QSOX2: variants seen among roughly 807,000 people sequenced by gnomAD.
The protein encoded by QSOX2 is sulfhydryl oxidase 2.
QSOX2 carries 46 observed loss-of-function variants against 61.7 expected under a neutral mutation model. The observed-to-expected ratio is 0.75, with a 90% CI of 0.59 to 0.95. The LOEUF is 0.95. Ranked by LOEUF, QSOX2 falls within the 40% of genes least tolerant of loss-of-function variation. The pLI is 0.00. For missense variants in QSOX2, 879 were observed against 918.9 expected, an observed-to-expected ratio of 0.96 and a Z score of 0.56; for synonymous variants, 383 against 388.4, an observed-to-expected ratio of 0.99 and a Z score of 0.16.
intron 10 of QSOX2, 104 bp from the exon 11 acceptor site, chr9:136,211,556 A>C: frequency 8.7e-7 from 1 of 1,152,378 alleles, no homozygotes. Flanking sequence ...ACATGTCGGG[A>C]AGCCACCTCA....
At chr9:136,242,128 A>T (rs1322397695) in intron 1 of QSOX2, among the ~76,000 whole-genome samples, 1 of 152,258 alleles carries the variant, frequency 6.6e-6, no homozygotes, top group Non-Finnish European at 1.5e-5. Flanking sequence ...AAATCTCCAC[A>T]AACACTAGAA....
intron 1 of QSOX2, among the ~76,000 whole-genome samples, chr9:136,240,830 T>C (rs1830427872): frequency 6.6e-6 from 1 of 152,234 alleles, no homozygotes; most frequent in Non-Finnish European, 1.5e-5. Context: ...CTACACGTTC[T>C]TCAGCCTCGA....
At chr9:136,214,241 T>C (rs964521200) in intron 10 of QSOX2, among the ~76,000 whole-genome samples, 5 of 152,190 alleles carry the variant, frequency 3.3e-5, no homozygotes, top group African/African-American at 1.2e-4. Flanking sequence ...TTCCTAGTAA[T>C]TGAAAATTAT....
Position 136,209,875 on chromosome 9 carries a change from CAT to C in QSOX2, c.1550-602_1550-601del, listed in dbSNP as rs1381070215. ...TCTCCAAAACTCGTTTCTGAAGTGA[CAT>C]GTGCTCACTTCCAGGCCCAACAGGC... On this transcript the variant is annotated intron_variant, in intron 11 of 11. Transcript: ENST00000358701. The surrounding 1 kb of genome is among the most constrained non-coding windows in gnomAD (Gnocchi z 5.6). 1 of 985,420 alleles carries C rather than the reference CAT, an allele frequency of 1.0e-6. No homozygotes were observed. The highest frequency in any genetic ancestry group is 1.2e-6 in the Non-Finnish European group (1 of 829,918). 61.0% of individuals were successfully genotyped at this position (985,420 alleles called of 1,614,324 possible).
At chr9:136,211,005 A>G in intron 11 of QSOX2, 1 of 665,212 alleles carries the variant, frequency 1.5e-6, no homozygotes, top group Non-Finnish European at 1.9e-6. Context: ...GGGAAGAAAG[A>G]GCCACACCCA....
At chr9:136,242,131 C>T (rs1474310336) in intron 1 of QSOX2, among the ~76,000 whole-genome samples, 2 of 152,272 alleles carry the variant, frequency 1.3e-5, no homozygotes, top group East Asian at 3.8e-4. Flanking sequence ...TCTCCACAAA[C>T]ACTAGAATGA....
intron 2 of QSOX2, among the ~76,000 whole-genome samples, chr9:136,226,425 G>A (rs1033983317): frequency 3.3e-5 from 5 of 152,160 alleles, no homozygotes; most frequent in African/African-American, 1.2e-4. Flanking sequence ...CGGACCACAC[G>A]CGTGGCTTCA....
In QSOX2 at chr9:136,208,903, G is replaced by T; in HGVS notation, c.1922C>A (p.Ala641Asp). 1 of 1,613,950 alleles carries T rather than the reference G, an allele frequency of 6.2e-7. No individual in the cohort carries two copies. Among genetic ancestry groups the T allele is most frequent in the Non-Finnish European group, 8.5e-7 (1 of 1,180,014 alleles). The change falls in exon 12 of 12, where the codon GCC becomes GAC. Residue 641 changes from alanine to aspartate, a missense_variant. Transcript: ENST00000358701. ...TGCGGCCCCGCCCACCTCCTTGTGG[G>T]CCCCGGGCCCATCCAGACTCTGGAG... ...GKLQSLDGPG[A>D]HKEVGGAAPF...
In QSOX2 at chr9:136,221,072, C is replaced by T. The variant is rs965084642; in HGVS notation, c.821+724G>A. ...TCCACGCAGAGGCAAAGGGCTTATC[C>T]TCATGAGGGGCACACAGGCACTCCA... On this transcript the variant is annotated intron_variant, in intron 6 of 11. Transcript: ENST00000358701. The surrounding 1 kb of genome is among the most constrained non-coding windows in gnomAD (Gnocchi z 4.5). 6.7e-6 allele frequency among the ~76,000 whole-genome samples: 1 copy of T among 149,156 alleles called. No individual in the cohort carries two copies. The highest frequency in any genetic ancestry group is 2.5e-5 in the African/African-American group (1 of 40,368).
intron 1 of QSOX2, among the ~76,000 whole-genome samples, chr9:136,235,916 C>T (rs1035626908): frequency 5.9e-5 from 9 of 152,234 alleles, no homozygotes; most frequent in Non-Finnish European, 4.4e-5. Context: ...ACTCTCTGGC[C>T]TCAGCTTCGG....
At chr9:136,236,089 CCTCTCCCAGTCTAGA>C in intron 1 of QSOX2, among the ~76,000 whole-genome samples, 1 of 152,316 alleles carries the variant, frequency 6.6e-6, no homozygotes, top group South Asian at 2.1e-4. Context: ...TCAACCCGGA[CCTCTCCCAGTCTAGA>C]CTCTGCAAGC....
intron 1 of QSOX2, among the ~76,000 whole-genome samples, chr9:136,241,069 C>T (rs1830429680): frequency 6.6e-6 from 1 of 152,232 alleles, no homozygotes; most frequent in South Asian, 2.1e-4. Flanking sequence ...TGGCCTGGGT[C>T]TCTCGGTGTA....
chr9:136,223,963 T>C lies in QSOX2; in HGVS notation c.584+44A>G, dbSNP rs1395793495. 6.3e-7 allele frequency: 1 copy of C among 1,589,994 alleles called. No homozygotes were observed. The highest frequency in any genetic ancestry group is 8.6e-7 in the Non-Finnish European group (1 of 1,158,806). On this transcript the variant is annotated intron_variant, in intron 4 of 11. Coordinates refer to ENST00000358701, the MANE Select transcript of QSOX2 (RefSeq NM_181701.4). The surrounding 1 kb of genome is among the most constrained non-coding windows in gnomAD (Gnocchi z 4.4). The stretch of plus-strand genomic sequence containing the variant: ...GAAACCTATTACGTTTCTTGCACAG[T>C]TCAACACGAGTCTAACGGCCGCCTT...
Position 136,208,566 on chromosome 9 carries a change from G to A in QSOX2, c.*162C>T. The stretch of plus-strand genomic sequence containing the variant: ...CCCGTGTTCTTCCCTTGTTAGAAGA[G>A]CGTTTGTAAAACCAGGACTTTGAAG... On this transcript the variant is annotated 3_prime_UTR_variant, in exon 12 of 12. Coordinates refer to ENST00000358701, the MANE Select transcript of QSOX2 (RefSeq NM_181701.4). The A allele has an allele frequency of 8.1e-6, 6 of 741,126 alleles. No homozygotes were observed. The South Asian group carries it at 9.1e-5, about 11-fold the overall frequency. The allele number at this position is 741,126 out of a possible 1,614,324, so 45.9% of individuals were successfully genotyped here.
rs557217524 is a variant in QSOX2, at chr9:136,213,928, G to A, written c.1360+1226C>T. On this transcript the variant is annotated intron_variant, in intron 10 of 11. Coordinates refer to ENST00000358701, the MANE Select transcript of QSOX2 (RefSeq NM_181701.4). ...CAACTCACAGAAGAACCGCCCAGCC[G>A]AGCCCAGCCCAAACTGCTGATCCAC... is the stretch of plus-strand genomic sequence containing the variant. Among the ~76,000 whole-genome samples the A allele has an allele frequency of 8.6e-5, 13 of 151,846 alleles. No homozygotes were observed. The South Asian group carries it at 1.7e-3, about 20-fold the overall frequency.
At chr9:136,225,920 T>C (rs1231802215) in intron 2 of QSOX2, among the ~76,000 whole-genome samples, 1 of 152,206 alleles carries the variant, frequency 6.6e-6, no homozygotes, top group African/African-American at 2.4e-5. Context: ...CATGCTGACG[T>C]AATCACACGC....
chr9:136,242,860 G>T (rs943919059), intron 1 of QSOX2, among the ~76,000 whole-genome samples: 3 of 152,228 alleles, frequency 2.0e-5, no homozygotes, highest in Admixed American at 6.5e-5. Flanking sequence ...AGCCTCATGG[G>T]CACAGCTTGG....
In QSOX2 at chr9:136,231,955, G is replaced by A. The variant is rs573581253; in HGVS notation, c.329-5081C>T. Among the ~76,000 whole-genome samples, 10 of 142,282 alleles carry A rather than the reference G, an allele frequency of 7.0e-5. No individual in the cohort carries two copies. In the East Asian group the frequency reaches 2.2e-3, roughly 32 times the overall value. The allele number at this position is 142,282 out of a possible 152,430, so 93.3% of individuals were successfully genotyped here. On this transcript the variant is annotated intron_variant, in intron 1 of 11. Coordinates refer to ENST00000358701, the MANE Select transcript of QSOX2 (RefSeq NM_181701.4). ...CCTCCTCCGCAGGTCCCATCTGCCA[G>A]GCTCTCCCAGCGAAGAGAAACCTCT... is the stretch of plus-strand genomic sequence containing the variant.
rs1208810001 is a variant in QSOX2, at chr9:136,245,747, C to G, written c.57G>C (p.Ala19=). Residue 19 remains alanine (A), a synonymous_variant, in exon 1 of 12, where the codon GCG becomes GCC. Coordinates refer to ENST00000358701, the MANE Select transcript of QSOX2 (RefSeq NM_181701.4). ...GCGGGGGCGAGCGCCGGGCTCTCAGCGCAGGTCCCGCTCCGATTCCCGGGC... is the reference window on the plus strand; with the variant it reads ...GCGGGGGCGAGCGCCGGGCTCTCAGGGCAGGTCCCGCTCCGATTCCCGGGC... The part of the protein sequence containing the change: ...ARSPGIGAGP[A]LRARRSPPPR... The G allele has an allele frequency of 1.7e-6, 2 of 1,150,044 alleles. No homozygotes were observed. Among genetic ancestry groups the G allele is most frequent in the Non-Finnish European group, 2.1e-6 (2 of 933,422 alleles). The allele number at this position is 1,150,044 out of a possible 1,614,324, so 71.2% of individuals were successfully genotyped here.
Sources: allele counts gnomAD v4.1 joint callset (sites outside exome capture counted in the v4.1 genomes callset), GRCh38; gene constraint gnomAD v4.1.1; non-coding constraint Gnocchi (gnomAD v3.1); transcripts MANE v1.5; gene names NCBI Gene and HGNC (gene_info 2026-07-23, HGNC 2026-07-21).